GIPC1: variants seen among roughly 807,000 people sequenced by gnomAD.
GIPC1 encodes the protein PDZ domain-containing protein GIPC1.
A neutral mutation model predicts 28.5 loss-of-function variants in GIPC1; 15 were observed. That is an observed-to-expected ratio of 0.53 (90% CI 0.35 to 0.81). The LOEUF is 0.81. Among genes scored for constraint, GIPC1 ranks in the 30% least tolerant of loss-of-function variants. The pLI is 0.01. For synonymous variants in GIPC1, 224 were observed against 206.1 expected (o/e 1.09, Z -0.74); for missense variants, 439 against 481.9 (o/e 0.91, Z 0.83).
At chr19:14,495,424 G>C (rs766698740) in intron 1 of GIPC1, among the ~76,000 whole-genome samples, 6 of 152,136 alleles carry the variant, frequency 3.9e-5, no homozygotes, top group Non-Finnish European at 7.4e-5. Context: ...CCTGGGGCAT[G>C]AGTTCCAGTC....
intron 6 of GIPC1, chr19:14,479,868 G>T (rs2071686973): frequency 2.7e-6 from 1 of 376,144 alleles, no homozygotes; most frequent in Non-Finnish European, 4.8e-6. Flanking sequence ...GGCCAAGGGG[G>T]TATGGCTGCT....
chr19:14,479,527 G>A lies in GIPC1; in HGVS notation c.656-3C>T, dbSNP rs953988786. ...CGCTGAACGCTGGCTGATCATGTCT[G>A]TGGGAGGCAGGAGAGGAGTGAGTGT... On this transcript the variant is annotated splice_region_variant and splice_polypyrimidine_tract_variant and intron_variant, in intron 6 of 8. Transcript: ENST00000393033. 6 of 1,419,872 alleles carry A rather than the reference G, an allele frequency of 4.2e-6. No homozygotes were observed. The South Asian group carries it at 7.4e-5, about 18-fold the overall frequency. 88.0% of individuals were successfully genotyped at this position (1,419,872 alleles called of 1,614,324 possible). A position where few individuals can be genotyped will look rare whatever the true frequency, so the allele number is the denominator to read the frequency against.
chr19:14,491,552 C>T (rs1236769046), intron 3 of GIPC1, 104 bp downstream of exon 3: 1 of 152,386 alleles, frequency 6.6e-6, no homozygotes, highest in Non-Finnish European at 1.5e-5. Flanking sequence ...AGCCACTGCA[C>T]CCAGCCTGCA....
At chr19:14,482,140 C>T (rs1339136274) in intron 4 of GIPC1, 1 of 164,020 alleles carries the variant, frequency 6.1e-6, no homozygotes, top group Non-Finnish European at 1.3e-5. Context: ...CCATCAGCTC[C>T]CCACAATCTA....
chr19:14,480,896 A>G (rs2071715467), intron 4 of GIPC1, 118 bp from the exon 5 acceptor site: 2 of 727,270 alleles, frequency 2.8e-6, no homozygotes, highest in Admixed American at 2.7e-5. Context: ...CCAGTAACTC[A>G]TCACCCACTG....
intron 7 of GIPC1, 123 bp downstream of exon 7, chr19:14,479,289 T>C: frequency 6.3e-6 from 3 of 478,188 alleles, no homozygotes; most frequent in Middle Eastern, 5.5e-4. Flanking sequence ...GAGGCAGAGG[T>C]TGCAGTGAGC....
At chr19:14,480,251 G>T in intron 6 of GIPC1, 54 bp downstream of exon 6, 1 of 1,498,238 alleles carries the variant, frequency 6.7e-7, no homozygotes. Flanking sequence ...CGGCACCACC[G>T]CCTGCGCCCA....
At chr19:14,485,748 G>A (rs1228749004) in intron 3 of GIPC1, among the ~76,000 whole-genome samples, 1 of 147,518 alleles carries the variant, frequency 6.8e-6, no homozygotes, top group African/African-American at 2.5e-5. Context: ...GAGACAGAGA[G>A]AGGGAGAGAG....
intron 2 of GIPC1, 104 bp from the exon 3 acceptor site, chr19:14,491,847 C>T (rs1439217269): frequency 6.6e-6 from 1 of 152,180 alleles, no homozygotes; most frequent in African/African-American, 2.4e-5. Flanking sequence ...TGGTGGCTCT[C>T]GCCTGTAATC....
chr19:14,485,684 A>AATATATATATATATATATATAT (rs141749727), intron 3 of GIPC1, among the ~76,000 whole-genome samples: 7 of 72,464 alleles, frequency 9.7e-5, no homozygotes, highest in African/African-American at 2.6e-4. Flanking sequence ...TAAATAAACA[A>AATATATATATATATATATATAT]ATATATATAT....
intron 1 of GIPC1, among the ~76,000 whole-genome samples, chr19:14,493,342 T>A (rs8109740): frequency 0.46 from 69,844 of 152,046 alleles, 16,445 homozygotes; most frequent in South Asian, 0.66. Context: ...AAAACTGCAA[T>A]CTCCTTACTG....
rs777110259 is a variant in GIPC1, at chr19:14,478,635, G to A, written c.850+49C>T. ...GGACCAAGGGGCTCAGGGTGGATTC[G>A]GCCCCCAGCAGACCTAGATGCCCCC... On this transcript the variant is annotated intron_variant, in intron 8 of 8. Coordinates refer to ENST00000393033, the MANE Select transcript of GIPC1 (RefSeq NM_005716.4). The surrounding 1 kb of genome is among the most constrained non-coding windows in gnomAD (Gnocchi z 5.2). The A allele has an allele frequency of 8.7e-6, 14 of 1,610,690 alleles. No individual in the cohort carries two copies. Among genetic ancestry groups the A allele is most frequent in the Admixed American group, 1.7e-5 (1 of 59,948 alleles).
At chr19:14,485,584 A>G (rs755621972) in intron 3 of GIPC1, among the ~76,000 whole-genome samples, 9 of 150,920 alleles carry the variant, frequency 6.0e-5, no homozygotes, top group Non-Finnish European at 1.0e-4. Context: ...CCAGGAGACG[A>G]AGGTTGGCAG....
chr19:14,492,558 G>A (rs760531354), intron 2 of GIPC1, among the ~76,000 whole-genome samples: 13 of 152,026 alleles, frequency 8.6e-5, no homozygotes, highest in African/African-American at 1.4e-4. Context: ...CACCTGCCTC[G>A]GCCTCCCAAA....
At chr19:14,495,166 C>T (rs1303416973) in intron 1 of GIPC1, among the ~76,000 whole-genome samples, 1 of 152,192 alleles carries the variant, frequency 6.6e-6, no homozygotes, top group African/African-American at 2.4e-5. Flanking sequence ...AGCATCCTGG[C>T]CCCCTGCAGA....
In GIPC1 at chr19:14,479,526, TGTGG is replaced by T; in HGVS notation, c.656-6_656-3del. ...CCGCTGAACGCTGGCTGATCATGTC[TGTGG>T]GAGGCAGGAGAGGAGTGAGTGTGGG... On this transcript the variant is annotated splice_region_variant and splice_polypyrimidine_tract_variant and intron_variant, in intron 6 of 8. Transcript: ENST00000393033. 7.0e-7 allele frequency: 1 copy of T among 1,423,572 alleles called. No homozygotes were observed. The highest frequency in any genetic ancestry group is 9.2e-7 in the Non-Finnish European group (1 of 1,085,016). 88.2% of individuals were successfully genotyped at this position (1,423,572 alleles called of 1,614,324 possible).
At chr19:14,483,080 C>T (rs2071767813) in intron 3 of GIPC1, 74 bp from the exon 4 acceptor site, 2 of 996,546 alleles carry the variant, frequency 2.0e-6, no homozygotes, top group Non-Finnish European at 2.9e-6. Flanking sequence ...TCGAACCATA[C>T]AGGCCCAAGG....
chr19:14,481,328 G>C (rs1311505696), intron 4 of GIPC1, among the ~76,000 whole-genome samples: 28 of 151,898 alleles, frequency 1.8e-4, no homozygotes, highest in Admixed American at 1.8e-3. Context: ...AGGCTGGCCT[G>C]GAACTCCTGA....
intron 3 of GIPC1, among the ~76,000 whole-genome samples, chr19:14,484,986 C>T (rs1322105531): frequency 6.6e-6 from 1 of 151,406 alleles, no homozygotes; most frequent in Non-Finnish European, 1.5e-5. Flanking sequence ...ATGGTGAGAC[C>T]CCGTCTCTAC....
Sources: allele counts gnomAD v4.1 joint callset (sites outside exome capture counted in the v4.1 genomes callset), GRCh38; gene constraint gnomAD v4.1.1; non-coding constraint Gnocchi (gnomAD v3.1); transcripts MANE v1.5; gene names NCBI Gene and HGNC (gene_info 2026-07-23, HGNC 2026-07-21).